The following HGS variants were observed in gnomAD, a reference collection of about 807,000 sequenced individuals.
The protein encoded by HGS is human growth factor-regulated tyrosine kinase substrate.
HGS carries 63 observed loss-of-function variants against 109.7 expected under a neutral mutation model. That is an observed-to-expected ratio of 0.57 (90% CI 0.47 to 0.71). HGS has a LOEUF of 0.71. Among genes scored for constraint, HGS ranks in the 30% least tolerant of loss-of-function variants. The probability of loss-of-function intolerance (pLI) is 0.00; values close to 1 mark genes in which losing one functional copy is unlikely to be tolerated. For missense variants in HGS, 995 were observed against 1,068.3 expected, an observed-to-expected ratio of 0.93 and a Z score of 0.96; for synonymous variants, 546 against 437.3, an observed-to-expected ratio of 1.25 and a Z score of -3.10.
At chr17:81,690,842 G>A (rs2037052865) in intron 7 of HGS, 100 bp downstream of exon 7, 2 of 1,085,238 alleles carry the variant, frequency 1.8e-6, no homozygotes, top group Non-Finnish European at 2.7e-6. Context: ...TTCCTGGTGG[G>A]TGGTTCAGGA....
In HGS at chr17:81,696,926, A is replaced by G. The variant is rs373217884; in HGVS notation, c.1810A>G (p.Met604Val). Residue 604 changes from methionine (M) to valine (V), a missense_variant, in exon 18 of 22, where the codon ATG (methionine) becomes GTG (valine). Met to Val is a conservative substitution (Grantham distance 21). This residue lies in a region of HGS where 326 missense variants were observed against 309.7 expected (regional missense o/e 1.05). Coordinates refer to ENST00000329138, the MANE Select transcript of HGS (RefSeq NM_004712.5). ...SPAGSVEGSP[M>V]HGVYMSQPAP... ...TGCCGGCTCGGTGGAGGGCTCCCCA[A>G]TGCACGGCGTGTACATGAGCCAGCC... 3.5e-5 allele frequency: 57 copies of G among 1,607,350 alleles called. No homozygotes were observed. The highest frequency in any genetic ancestry group is 1.6e-4 in the Middle Eastern group (1 of 6,082).
rs1598741539 is a variant in HGS, at chr17:81,684,115, C to T, written c.37+12C>T. On this transcript the variant is annotated intron_variant, in intron 1 of 21. Transcript: ENST00000329138. Reference sequence around the variant, plus strand: ...CGAGCGTCTCCTAGGTAACGCGTCCCCACCCGACGGCTCGGCCTTGGTCAG... The same window carrying T: ...CGAGCGTCTCCTAGGTAACGCGTCCTCACCCGACGGCTCGGCCTTGGTCAG... 6.4e-7 allele frequency: 1 copy of T among 1,572,342 alleles called. No individual in the cohort carries two copies. Among genetic ancestry groups the T allele is most frequent in the East Asian group, 2.3e-5 (1 of 42,598 alleles).
chr17:81,688,083 C>T (rs1350435488), intron 4 of HGS, among the ~76,000 whole-genome samples: 1 of 152,214 alleles, frequency 6.6e-6, no homozygotes, highest in Non-Finnish European at 1.5e-5. Context: ...TGGAAAGGAG[C>T]TTAGGCTGAG....
rs998815670 is a variant in HGS at position 81,691,200 on chromosome 17, G to A, written c.538-247G>A. 8.1e-5 allele frequency: 43 copies of A among 533,240 alleles called. No homozygotes were observed. The highest frequency in any genetic ancestry group is 1.4e-4 in the Non-Finnish European group (41 of 295,014). 33.0% of individuals were successfully genotyped at this position (533,240 alleles called of 1,614,324 possible). A position where few individuals can be genotyped will look rare whatever the true frequency, so the allele number is the denominator to read the frequency against. Reference sequence around the variant, plus strand: ...CTTGTTTTATCAGCAGAATTGATGTGTATTTTTTCCTTGCCCTTACTTTTA... The same window carrying A: ...CTTGTTTTATCAGCAGAATTGATGTATATTTTTTCCTTGCCCTTACTTTTA... On this transcript the variant is annotated intron_variant, in intron 7 of 21. Coordinates refer to ENST00000329138, the MANE Select transcript of HGS (RefSeq NM_004712.5). This position sits in a 1 kb window ranked among gnomAD's most constrained non-coding sequence, Gnocchi z 5.3.
rs2036928649 is a variant in HGS, at chr17:81,684,074, G to T, written c.8G>T (p.Arg3Leu). The part of the protein sequence containing the change: MG[R>L]GSGTFERLLD... ...TTTGGGCTGGAGGTCGCCATGGGGCGAGGCAGCGGCACCTTCGAGCGTCTC... is the reference window on the plus strand; with the variant it reads ...TTTGGGCTGGAGGTCGCCATGGGGCTAGGCAGCGGCACCTTCGAGCGTCTC... The change falls in exon 1 of 22, where the codon CGA becomes CTA. Residue 3 changes from arginine to leucine, a missense_variant. Arg to Leu is a moderately radical substitution (Grantham distance 102). Transcript: ENST00000329138. The T allele has an allele frequency of 1.3e-6, 2 of 1,594,576 alleles. No individual in the cohort carries two copies. Among genetic ancestry groups the T allele is most frequent in the Non-Finnish European group, 8.5e-7 (1 of 1,172,882 alleles).
At chr17:81,684,338 C>T (rs1408675441) in intron 1 of HGS, 1 of 365,394 alleles carries the variant, frequency 2.7e-6, no homozygotes. Flanking sequence ...GCGCAGGGCG[C>T]CAGGGGCGCT....
chr17:81,692,597 G>A (rs7214125), intron 8 of HGS: 36,369 of 152,240 alleles, frequency 0.24, 4,563 homozygotes, highest in African/African-American at 0.32. Context: ...GGGCATCCCA[G>A]CGCCATTCCT....
chr17:81,689,950 TG>T (rs1342553401), intron 5 of HGS, among the ~76,000 whole-genome samples: 1 of 152,042 alleles, frequency 6.6e-6, no homozygotes, highest in African/African-American at 2.4e-5. Context: ...GTGGGAGCAG[TG>T]TCTCAGGAAG....
chr17:81,694,288 G>A (rs1487045861), intron 11 of HGS, among the ~76,000 whole-genome samples: 4 of 152,344 alleles, frequency 2.6e-5, no homozygotes, highest in Middle Eastern at 3.4e-3. Context: ...GGGCATCCAC[G>A]TCACCTCTCC....
chr17:81,694,747 A>T, intron 11 of HGS, 68 bp from the exon 12 acceptor site: 6 of 1,595,338 alleles, frequency 3.8e-6, no homozygotes, highest in Non-Finnish European at 5.2e-6. Flanking sequence ...CGCACTGGGG[A>T]CATCCCTGTC....
At chr17:81,688,058 G>C (rs1202443271) in intron 4 of HGS, among the ~76,000 whole-genome samples, 1 of 152,220 alleles carries the variant, frequency 6.6e-6, no homozygotes, top group Admixed American at 6.5e-5. Context: ...CGCCGCTGAG[G>C]ATGCAGAGGG....
At chr17:81,697,153 TCA>T in intron 18 of HGS, 155 bp downstream of exon 18, 1 of 801,356 alleles carries the variant, frequency 1.2e-6, no homozygotes, top group Non-Finnish European at 1.9e-6. Flanking sequence ...GCAAACGCAC[TCA>T]CACAGGCTTT....
rs373775354 is a variant in HGS at position 81,696,962 on chromosome 17, G to A, written c.1846G>A (p.Ala616Thr). 2.2e-5 allele frequency: 35 copies of A among 1,600,936 alleles called. No individual in the cohort carries two copies. Among genetic ancestry groups the A allele is most frequent in the African/African-American group, 2.7e-5 (2 of 74,810 alleles). Residue 616 changes from alanine (A) to threonine (T), a missense_variant, in exon 18 of 22, where the codon GCT (alanine) becomes ACT (threonine). Ala to Thr is a moderately conservative substitution (Grantham distance 58, BLOSUM62 0). Transcript: ENST00000329138. Reference protein sequence around the residue: ...GVYMSQPAPAAGPYPSMPSTA... With the variant: ...GVYMSQPAPATGPYPSMPSTA... The stretch of plus-strand genomic sequence containing the variant: ...GTACATGAGCCAGCCGGCCCCTGCC[G>A]CTGGCCCCTACCCCAGCATGCCCAG...
Position 81,691,615 on chromosome 17 carries a change from T to C in HGS, c.662+44T>C. On this transcript the variant is annotated intron_variant, in intron 8 of 21. Coordinates refer to ENST00000329138, the MANE Select transcript of HGS (RefSeq NM_004712.5). The surrounding 1 kb of genome is among the most constrained non-coding windows in gnomAD (Gnocchi z 5.3). ...TTTGGGCTGCAGGTGGGGCAGGCTC[T>C]CCAGGCTGGGTTTTCTGTCCCTCTT... 2 of 1,611,976 alleles carry C rather than the reference T, an allele frequency of 1.2e-6. No individual in the cohort carries two copies. Among genetic ancestry groups the C allele is most frequent in the Non-Finnish European group, 1.7e-6 (2 of 1,178,954 alleles).
chr17:81,693,355 G>T, intron 8 of HGS, 148 bp from the exon 9 acceptor site: 1 of 662,896 alleles, frequency 1.5e-6, no homozygotes, highest in Non-Finnish European at 2.8e-6. Context: ...GCTCTGGAGT[G>T]TGGCCATTCG....
Position 81,696,861 on chromosome 17 carries a change from A to C in HGS, c.1745A>C (p.Gln582Pro). ...AMPAAGGVLY[Q>P]PSGPASFPST... Reference sequence around the variant, plus strand: ...CCCGCAGCCGGAGGTGTGCTCTACCAGCCCTCGGGACCAGCCAGCTTCCCC... The same window carrying C: ...CCCGCAGCCGGAGGTGTGCTCTACCCGCCCTCGGGACCAGCCAGCTTCCCC... Residue 582 changes from glutamine (Q) to proline (P), a missense_variant, in exon 18 of 22, where the codon CAG becomes CCG. Around this residue, in one of 6 missense-constraint regions of HGS, gnomAD observed 326 missense variants for 309.7 expected, o/e 1.05. Transcript: ENST00000329138. The C allele has an allele frequency of 6.2e-7, 1 of 1,610,726 alleles. No homozygotes were observed.
In HGS at chr17:81,686,375, G is replaced by A. The variant is rs1757042441; in HGVS notation, c.186G>A (p.Leu62=). Reference sequence around the variant, plus strand: ...ACGACAAGAACCCACACGTCGCCTTGTATGCCCTGGAGGTAAGCAGACCCC... The same window carrying A: ...ACGACAAGAACCCACACGTCGCCTTATATGCCCTGGAGGTAAGCAGACCCC... ...KVNDKNPHVA[L]YALEVMESVV... Residue 62 remains leucine, a synonymous_variant, in exon 3 of 22, where the codon TTG becomes TTA. Transcript: ENST00000329138. The A allele has an allele frequency of 2.5e-6, 4 of 1,613,520 alleles. No homozygotes were observed. Among genetic ancestry groups the A allele is most frequent in the Non-Finnish European group, 3.4e-6 (4 of 1,179,884 alleles).
rs768453014 is a variant in HGS, at chr17:81,696,465, A to C, written c.1502A>C (p.Glu501Ala). The change falls in exon 16 of 22, where the codon GAG becomes GCG. Residue 501 changes from glutamate to alanine, a missense_variant. Coordinates refer to ENST00000329138, the MANE Select transcript of HGS (RefSeq NM_004712.5). Reference protein sequence around the residue: ...HREKLRRAAEEAERQRQIQLA... With the variant: ...HREKLRRAAEAAERQRQIQLA... ...GAGAAGCTTCGCCGGGCAGCCGAGGAGGCAGAGCGCCAGCGCCAGATCCAG... is the reference window on the plus strand; with the variant it reads ...GAGAAGCTTCGCCGGGCAGCCGAGGCGGCAGAGCGCCAGCGCCAGATCCAG... The C allele has an allele frequency of 3.9e-6, 6 of 1,538,614 alleles. No individual in the cohort carries two copies. The highest frequency in any genetic ancestry group is 1.4e-5 in the African/African-American group (1 of 73,364).
In HGS at chr17:81,693,561, C is replaced by G. The variant is rs751588125; in HGVS notation, c.721C>G (p.Pro241Ala). The change falls in exon 9 of 22, where the codon CCC (proline) becomes GCC (alanine). Residue 241 changes from proline to alanine, a missense_variant. Transcript: ENST00000329138. ...GCTGCCCCCCGAGTACCTGACCAGCCCCCTGTCTCAGCAGTCCCAGGTACT... is the reference window on the plus strand; with the variant it reads ...GCTGCCCCCCGAGTACCTGACCAGCGCCCTGTCTCAGCAGTCCCAGGTACT... ...TELPPEYLTS[P>A]LSQQSQLPPK... 3.7e-6 allele frequency: 6 copies of G among 1,612,220 alleles called. No homozygotes were observed. Among genetic ancestry groups the G allele is most frequent in the South Asian group, 3.3e-5 (3 of 90,984 alleles).
Sources: gnomAD v4.1 joint callset for allele counts (sites outside exome capture counted in the v4.1 genomes callset) on GRCh38, gnomAD v4.1.1 for gene constraint, gnomAD v4.1.1 regional missense constraint, Gnocchi (gnomAD v3.1) non-coding constraint, MANE v1.5 for transcripts, NCBI Gene and HGNC (gene_info 2026-07-23, HGNC 2026-07-21) for gene names.